GRM7: variants seen among roughly 807,000 people sequenced by gnomAD.
The protein encoded by GRM7 is glutamate metabotropic receptor 7.
In GRM7, 35 loss-of-function variants were observed where a neutral mutation model predicts 84.5. The ratio of observed to expected loss-of-function variants is 0.41; its 90% CI spans 0.32 to 0.55. GRM7 has a LOEUF of 0.55. Ranked by LOEUF, GRM7 falls within the 20% of genes least tolerant of loss-of-function variation. GRM7 has a pLI of 0.19. For missense variants in GRM7, 1,003 were observed against 1,194.6 expected (o/e 0.84, Z 2.36); for synonymous variants, 487 against 455.1 (o/e 1.07, Z -0.89).
At chr3:7,261,877 C>G (rs922390415) in intron 2 of GRM7, among the ~76,000 whole-genome samples, 9 of 151,592 alleles carry the variant, frequency 5.9e-5, no homozygotes, top group Non-Finnish European at 1.3e-4. Context: ...ACAAAGTTCT[C>G]TGTCAGAATT....
At chr3:7,198,818 A>G (rs997183959) in intron 2 of GRM7, among the ~76,000 whole-genome samples, 1 of 152,194 alleles carries the variant, frequency 6.6e-6, no homozygotes, top group African/African-American at 2.4e-5. Flanking sequence ...GAGCCATCAT[A>G]AGTTGGGGAC....
At chr3:6,946,532 T>A (rs1235452180) in intron 1 of GRM7, among the ~76,000 whole-genome samples, 1 of 152,226 alleles carries the variant, frequency 6.6e-6, no homozygotes, top group African/African-American at 2.4e-5. Context: ...AGGATTGACA[T>A]GGCAATGCAG....
intron 8 of GRM7, among the ~76,000 whole-genome samples, chr3:7,624,474 CT>C (rs201653537): frequency 0.02 from 2,974 of 152,236 alleles, 31 homozygotes; most frequent in Non-Finnish European, 0.032. Flanking sequence ...AATCAAGTAC[CT>C]GATAATACAG....
chr3:7,593,711 G>T (rs1490559774), intron 8 of GRM7, among the ~76,000 whole-genome samples: 1 of 152,048 alleles, frequency 6.6e-6, no homozygotes, highest in Non-Finnish European at 1.5e-5. Context: ...AAATGGAATG[G>T]GGTGGGGGTA....
intron 4 of GRM7, among the ~76,000 whole-genome samples, chr3:7,365,923 C>T (rs565384184): frequency 7.3e-5 from 11 of 151,422 alleles, no homozygotes; most frequent in African/African-American, 2.4e-4. Context: ...TTCCAAGAGA[C>T]TGGAAGTTTC....
intron 4 of GRM7, among the ~76,000 whole-genome samples, chr3:7,406,774 C>A (rs2125167301): frequency 6.6e-6 from 1 of 152,202 alleles, no homozygotes; most frequent in Non-Finnish European, 1.5e-5. Flanking sequence ...AATGCCTTTT[C>A]AAAAATGCAT....
At chr3:7,622,651 G>A (rs558094940) in intron 8 of GRM7, among the ~76,000 whole-genome samples, 1 of 152,192 alleles carries the variant, frequency 6.6e-6, no homozygotes, top group Admixed American at 6.5e-5. Flanking sequence ...CTTAGCTAGG[G>A]TTCAGTAAGG....
intron 2 of GRM7, among the ~76,000 whole-genome samples, chr3:7,182,777 A>T (rs191816176): frequency 1.3e-5 from 2 of 152,050 alleles, no homozygotes; most frequent in East Asian, 3.9e-4. Context: ...TTCTTTGATG[A>T]TTTCTTCCAT....
intron 7 of GRM7, among the ~76,000 whole-genome samples, chr3:7,506,571 G>A (rs1390751019): frequency 6.6e-6 from 1 of 152,050 alleles, no homozygotes; most frequent in Non-Finnish European, 1.5e-5. Context: ...TTACAGATTG[G>A]GTAATTTATA....
intron 1 of GRM7, among the ~76,000 whole-genome samples, chr3:7,093,521 A>T (rs1698740190): frequency 6.6e-6 from 1 of 151,444 alleles, no homozygotes; most frequent in Non-Finnish European, 1.5e-5. Context: ...CTAATAAAAT[A>T]CAAAAATTAG....
intron 1 of GRM7, among the ~76,000 whole-genome samples, chr3:6,874,843 C>T (rs549710561): frequency 7.5e-4 from 114 of 152,334 alleles, no homozygotes; most frequent in African/African-American, 2.6e-3. Context: ...GGAAAACTTA[C>T]TCCTTTCAGC....
At chr3:7,169,210 T>G (rs147583115) in intron 2 of GRM7, among the ~76,000 whole-genome samples, 1 of 152,240 alleles carries the variant, frequency 6.6e-6, no homozygotes, top group East Asian at 1.9e-4. Context: ...TTTTTTTGAA[T>G]TTTTCATCTC....
At chr3:7,026,990 C>T (rs6776561) in intron 1 of GRM7, among the ~76,000 whole-genome samples, 14,413 of 152,218 alleles carry the variant, frequency 0.095, 2,278 homozygotes, top group African/African-American at 0.33. Context: ...ATTGCTTTGG[C>T]TCATGCCATC....
At chr3:7,349,477 A>C (rs1693037155) in intron 4 of GRM7, among the ~76,000 whole-genome samples, 1 of 152,138 alleles carries the variant, frequency 6.6e-6, no homozygotes, top group South Asian at 2.1e-4. Context: ...TGAAATTCGT[A>C]GGTACTCAGT....
chr3:6,961,864 T>C (rs1423145641), intron 1 of GRM7, among the ~76,000 whole-genome samples: 1 of 152,110 alleles, frequency 6.6e-6, no homozygotes, highest in Non-Finnish European at 1.5e-5. Context: ...CTGTACTAGA[T>C]TATCCCTCCT....
At chr3:7,687,307 C>A (rs1700623511) in intron 9 of GRM7, among the ~76,000 whole-genome samples, 1 of 152,130 alleles carries the variant, frequency 6.6e-6, no homozygotes, top group Non-Finnish European at 1.5e-5. Flanking sequence ...ACCACAGATG[C>A]TTTTATATTG....
chr3:7,226,289 A>T (rs1696979099), intron 2 of GRM7, among the ~76,000 whole-genome samples: 1 of 152,168 alleles, frequency 6.6e-6, no homozygotes, highest in African/African-American at 2.4e-5. Context: ...CTGGGATCTC[A>T]TCTGAGATTT....
At chr3:6,917,645 A>C (rs1696987960) in intron 1 of GRM7, among the ~76,000 whole-genome samples, 1 of 152,118 alleles carries the variant, frequency 6.6e-6, no homozygotes. Context: ...AATGTCCTTG[A>C]AAGTTCCCAA....
intron 5 of GRM7, among the ~76,000 whole-genome samples, chr3:7,421,557 T>C (rs1696393914): frequency 1.3e-5 from 2 of 152,080 alleles, no homozygotes. Context: ...AGCCCAGGAC[T>C]TGAAAATTAT....
Sources: allele counts gnomAD v4.1 joint callset (sites outside exome capture counted in the v4.1 genomes callset), GRCh38; gene constraint gnomAD v4.1.1; transcripts MANE v1.5; gene names NCBI Gene and HGNC (gene_info 2026-07-23, HGNC 2026-07-21).